The following EXOC4 variants were observed in gnomAD, a reference collection of about 807,000 sequenced individuals.
EXOC4 encodes SEC8-like 1.
Under a neutral mutation model 107.2 loss-of-function variants are expected in EXOC4, and 71 were observed. The observed-to-expected ratio is 0.66, with a 90% CI of 0.55 to 0.81. EXOC4 has a LOEUF of 0.81. EXOC4 is among the 30% of genes least tolerant of loss of function. The pLI is 0.00. For missense variants in EXOC4, 1,108 were observed against 1,189.6 expected, an observed-to-expected ratio of 0.93 and a Z score of 1.01; for synonymous variants, 456 against 441.2, an observed-to-expected ratio of 1.03 and a Z score of -0.42.
chr7:133,974,324 T>C (rs1793779327), intron 14 of EXOC4, among the ~76,000 whole-genome samples: 1 of 152,206 alleles, frequency 6.6e-6, no homozygotes, highest in African/African-American at 2.4e-5. Context: ...AATAGAACCA[T>C]ATGTTAAAAT....
chr7:133,528,297 C>T (rs1050526570), intron 9 of EXOC4, among the ~76,000 whole-genome samples: 5 of 152,040 alleles, frequency 3.3e-5, no homozygotes, highest in Non-Finnish European at 7.4e-5. Context: ...CCTCTAGATT[C>T]GAGAGAAATT....
intron 11 of EXOC4, among the ~76,000 whole-genome samples, chr7:133,880,912 T>C (rs1020772514): frequency 6.6e-6 from 1 of 152,204 alleles, no homozygotes; most frequent in Non-Finnish European, 1.5e-5. Flanking sequence ...AGGCATATAG[T>C]TTTTTTGATT....
chr7:133,830,136 GCA>G (rs1431722901), intron 11 of EXOC4, among the ~76,000 whole-genome samples: 2 of 152,150 alleles, frequency 1.3e-5, no homozygotes. Flanking sequence ...TCTCCTCACT[GCA>G]CACACACTAC....
At chr7:134,043,733 G>A (rs1201095484) in intron 17 of EXOC4, among the ~76,000 whole-genome samples, 8 of 152,154 alleles carry the variant, frequency 5.3e-5, no homozygotes, top group Non-Finnish European at 1.2e-4. Flanking sequence ...TTCGGGGGAG[G>A]TTTGGAGGTG....
intron 9 of EXOC4, among the ~76,000 whole-genome samples, chr7:133,595,574 G>A (rs1801648522): frequency 6.6e-6 from 1 of 152,088 alleles, no homozygotes; most frequent in Non-Finnish European, 1.5e-5. Context: ...ATTGTGCTGA[G>A]CACTTTATGT....
chr7:133,965,843 T>C (rs1801053253), intron 14 of EXOC4, among the ~76,000 whole-genome samples: 1 of 152,188 alleles, frequency 6.6e-6, no homozygotes, highest in Non-Finnish European at 1.5e-5. Flanking sequence ...TTAAAGTAGT[T>C]TTTTCTAATT....
chr7:133,467,584 CTT>C (rs35955637), intron 7 of EXOC4, among the ~76,000 whole-genome samples: 7 of 122,632 alleles, frequency 5.7e-5, no homozygotes, highest in Admixed American at 8.2e-5. Context: ...ATTACAGATT[CTT>C]TTTTTTTTTT....
intron 10 of EXOC4, among the ~76,000 whole-genome samples, chr7:133,636,254 A>G (rs1200435171): frequency 1.3e-5 from 2 of 152,188 alleles, no homozygotes; most frequent in Non-Finnish European, 2.9e-5. Flanking sequence ...TTACTCTTTA[A>G]GAGACAACGC....
intron 10 of EXOC4, among the ~76,000 whole-genome samples, chr7:133,744,672 A>G (rs1242504138): frequency 6.6e-6 from 1 of 152,214 alleles, no homozygotes; most frequent in African/African-American, 2.4e-5. Context: ...GCTTTATATT[A>G]TTCCACCACT....
At chr7:133,262,971 A>G (rs548609848) in intron 1 of EXOC4, among the ~76,000 whole-genome samples, 2 of 152,260 alleles carry the variant, frequency 1.3e-5, no homozygotes, top group South Asian at 2.1e-4. Context: ...TGCTGTTCTC[A>G]TGATAGTGAA....
chr7:133,607,422 A>T (rs550433146), intron 9 of EXOC4, among the ~76,000 whole-genome samples: 2 of 152,366 alleles, frequency 1.3e-5, no homozygotes, highest in East Asian at 3.9e-4. Context: ...ATTTCAATGC[A>T]TATGGTGTTG....
intron 12 of EXOC4, among the ~76,000 whole-genome samples, chr7:133,916,193 G>A (rs972401453): frequency 5.9e-5 from 9 of 152,184 alleles, no homozygotes; most frequent in African/African-American, 7.2e-5. Context: ...CCTCGCATGC[G>A]CGGTTCACAA....
At chr7:133,496,475 T>A (rs1799479457) in intron 9 of EXOC4, among the ~76,000 whole-genome samples, 1 of 152,152 alleles carries the variant, frequency 6.6e-6, no homozygotes, top group South Asian at 2.1e-4. Context: ...CCAATATAGT[T>A]TTTCATAGTT....
intron 11 of EXOC4, among the ~76,000 whole-genome samples, chr7:133,834,572 CTT>C (rs937548806): frequency 2.0e-5 from 3 of 152,170 alleles, no homozygotes; most frequent in African/African-American, 7.2e-5. Context: ...TCTAAGAATC[CTT>C]TGTTCCAGTG....
At chr7:134,076,898 A>G in the EXOC4 span, among the ~76,000 whole-genome samples, 1 of 152,108 alleles carries the variant, frequency 6.6e-6, no homozygotes, top group Non-Finnish European at 1.5e-5. Context: ...AGCAATATTC[A>G]TTCAGTAACA....
At chr7:133,465,472 C>T (rs1798705189) in intron 7 of EXOC4, among the ~76,000 whole-genome samples, 1 of 152,016 alleles carries the variant, frequency 6.6e-6, no homozygotes, top group African/African-American at 2.4e-5. Flanking sequence ...AATGAATACC[C>T]TTTTTTGATA....
chr7:133,322,421 C>A lies in EXOC4; in HGVS notation c.763+5031C>A, dbSNP rs1250684420. ...AAGGTGTAAGGAAAGGGTCCAGTTT[C>A]AGTTTTCTGCATATGGCTAGTGAGT... On this transcript the variant is annotated intron_variant, in intron 5 of 17. Transcript: ENST00000253861. Among the ~76,000 whole-genome samples, 6 of 152,262 alleles carry A rather than the reference C, an allele frequency of 3.9e-5. No individual in the cohort carries two copies. In the South Asian group the frequency reaches 1.0e-3, roughly 26 times the overall value.
At chr7:133,364,792 C>T (rs572471767) in intron 6 of EXOC4, among the ~76,000 whole-genome samples, 1 of 152,308 alleles carries the variant, frequency 6.6e-6, no homozygotes, top group Admixed American at 6.5e-5. Flanking sequence ...CCACTTGCCT[C>T]CTCACAGGCA....
In EXOC4 at chr7:133,253,084, G is replaced by A; in HGVS notation, c.-18G>A. The A allele has an allele frequency of 1.2e-6, 2 of 1,613,678 alleles. No homozygotes were observed. The highest frequency in any genetic ancestry group is 1.7e-5 in the Admixed American group (1 of 60,020). Reference sequence around the variant, plus strand: ...CCCTTGGCTTCCTTGGAGCCTAGCGGCTCTCCCCGCGTCCAAGATGGCGGC... The same window carrying A: ...CCCTTGGCTTCCTTGGAGCCTAGCGACTCTCCCCGCGTCCAAGATGGCGGC... On this transcript the variant is annotated 5_prime_UTR_variant, in exon 1 of 18. Transcript: ENST00000253861.
Sources: allele counts gnomAD v4.1 joint callset (sites outside exome capture counted in the v4.1 genomes callset), GRCh38; gene constraint gnomAD v4.1.1; transcripts MANE v1.5; gene names NCBI Gene and HGNC (gene_info 2026-07-23, HGNC 2026-07-21).